ACTR3C: variants seen among roughly 807,000 people sequenced by gnomAD.
ACTR3C encodes actin-related protein 3C.
In ACTR3C, 18 loss-of-function variants were observed where a neutral mutation model predicts 26.3. The ratio of observed to expected loss-of-function variants is 0.68; its 90% CI spans 0.47 to 1.01. The LOEUF is 1.01. ACTR3C is among the 50% of genes least tolerant of loss of function. ACTR3C has a pLI of 0.00. For missense variants in ACTR3C, 184 were observed against 250.7 expected (o/e 0.73, Z 1.80); for synonymous variants, 55 against 94.5 (o/e 0.58, Z 2.42).
the ACTR3C span, among the ~76,000 whole-genome samples, chr7:150,086,433 T>C: frequency 1.3e-5 from 2 of 152,192 alleles, no homozygotes; most frequent in African/African-American, 4.8e-5. Context: ...TTGCCTCTAA[T>C]AACTTTTGGG....
At chr7:150,178,078 G>A in the ACTR3C span, among the ~76,000 whole-genome samples, 1 of 150,122 alleles carries the variant, frequency 6.7e-6, no homozygotes, top group Non-Finnish European at 1.5e-5. Flanking sequence ...ATTAAATTAG[G>A]ACACAATGCC....
the ACTR3C span, among the ~76,000 whole-genome samples, chr7:150,216,709 G>A: frequency 4.6e-5 from 7 of 152,090 alleles, no homozygotes; most frequent in East Asian, 3.9e-4. Context: ...GCTGTTGGCC[G>A]GGCACGGTGG....
the ACTR3C span, among the ~76,000 whole-genome samples, chr7:150,038,037 CA>C: frequency 0.014 from 1,889 of 138,024 alleles, 274 homozygotes; most frequent in African/African-American, 0.049. Flanking sequence ...TCCCAAGAGC[CA>C]TGGGGGGAAG....
the ACTR3C span, among the ~76,000 whole-genome samples, chr7:150,164,909 T>C: frequency 2.0e-5 from 3 of 152,276 alleles, no homozygotes; most frequent in East Asian, 3.9e-4. Flanking sequence ...TAGGCACAGG[T>C]GAGCGCTGGT....
the ACTR3C span, among the ~76,000 whole-genome samples, chr7:150,188,107 G>T: frequency 1.3e-5 from 2 of 151,376 alleles, no homozygotes; most frequent in East Asian, 2.0e-4. Context: ...CTTCCCCAAG[G>T]TACCCTAGTT....
At chr7:150,135,403 CA>C in the ACTR3C span, among the ~76,000 whole-genome samples, 1 of 152,238 alleles carries the variant, frequency 6.6e-6, no homozygotes, top group Non-Finnish European at 1.5e-5. Context: ...ATCTTGGCTT[CA>C]TGCTCAGTGG....
At chr7:149,917,635 CTTTTTTTTT>C in the ACTR3C span, among the ~76,000 whole-genome samples, 2 of 93,638 alleles carry the variant, frequency 2.1e-5, no homozygotes, top group East Asian at 7.2e-4. Flanking sequence ...TGTTTTACAT[CTTTTTTTTT>C]TTTTTTTTTT....
At chr7:150,261,886 C>T (rs1260827811) in intron 6 of ACTR3C, among the ~76,000 whole-genome samples, 1 of 152,000 alleles carries the variant, frequency 6.6e-6, no homozygotes, top group Non-Finnish European at 1.5e-5. Flanking sequence ...CCACATTAGT[C>T]AATTTGGCAT....
chr7:150,128,855 G>A, the ACTR3C span, among the ~76,000 whole-genome samples: 45,376 of 148,600 alleles, frequency 0.31, 6,550 homozygotes, highest in African/African-American at 0.44. Flanking sequence ...AGAGACAGGA[G>A]ACAAACATTT....
chr7:149,972,103 C>T, the ACTR3C span, among the ~76,000 whole-genome samples: 918 of 152,318 alleles, frequency 6.0e-3, 8 homozygotes, highest in African/African-American at 0.021. Flanking sequence ...TCAGAGCTGA[C>T]GTTGCCACTT....
the ACTR3C span, among the ~76,000 whole-genome samples, chr7:149,912,490 A>G: frequency 2.5e-5 from 3 of 121,792 alleles, no homozygotes; most frequent in Non-Finnish European, 3.4e-5. Flanking sequence ...GCAAACTAAC[A>G]TGAAGATATA....
At chr7:150,206,487 C>T in the ACTR3C span, among the ~76,000 whole-genome samples, 2 of 152,188 alleles carry the variant, frequency 1.3e-5, no homozygotes, top group South Asian at 2.1e-4. Flanking sequence ...GATTTTGGCT[C>T]ACCGCAACCT....
In ACTR3C at chr7:150,304,108, C is replaced by T. The variant is rs116601030; in HGVS notation, c.-51-8761G>A. Among the ~76,000 whole-genome samples the T allele has an allele frequency of 7.2e-3, 1,101 of 152,254 alleles. 20 individuals carry two copies. The highest frequency in any genetic ancestry group is 0.024 in the African/African-American group (1,011 of 41,524). Reference sequence around the variant, plus strand: ...AAGGAAGCGAGAATAGGAGAGGAGGCGACAATATACTGGAAGCTGGAAAGT... The same window carrying T: ...AAGGAAGCGAGAATAGGAGAGGAGGTGACAATATACTGGAAGCTGGAAAGT... On this transcript the variant is annotated intron_variant, in intron 1 of 7. Transcript: ENST00000683684.
chr7:149,947,055 G>T, the ACTR3C span, among the ~76,000 whole-genome samples: 1 of 151,726 alleles, frequency 6.6e-6, no homozygotes, highest in African/African-American at 2.4e-5. Flanking sequence ...GGAGCGGGGG[G>T]TACCACGGTG....
At chr7:149,947,942 A>G in the ACTR3C span, among the ~76,000 whole-genome samples, 1 of 151,806 alleles carries the variant, frequency 6.6e-6, no homozygotes, top group Non-Finnish European at 1.5e-5. Flanking sequence ...CCTCGTGTCA[A>G]TGTTATACAC....
chr7:150,071,661 G>A, the ACTR3C span, among the ~76,000 whole-genome samples: 1 of 148,554 alleles, frequency 6.7e-6, no homozygotes, highest in African/African-American at 2.5e-5. Flanking sequence ...GGGCCTCGAG[G>A]ACAGAGGGGA....
At chr7:150,200,152 T>A in the ACTR3C span, among the ~76,000 whole-genome samples, 59 of 152,368 alleles carry the variant, frequency 3.9e-4, no homozygotes, top group African/African-American at 1.3e-3. Context: ...AAGGCCAATT[T>A]AACTGGTGAC....
chr7:150,074,016 A>T, the ACTR3C span: 1 of 152,278 alleles, frequency 6.6e-6, no homozygotes, highest in Non-Finnish European at 1.5e-5. Context: ...TCCAGGGATC[A>T]CTGTCATCAC....
the ACTR3C span, among the ~76,000 whole-genome samples, chr7:149,924,147 G>A: frequency 1.3e-4 from 19 of 151,196 alleles, no homozygotes; most frequent in Non-Finnish European, 1.9e-4. Context: ...GGGCCAAGGT[G>A]GGTGGCTCAC....
Sources: gnomAD v4.1 joint callset for allele counts (sites outside exome capture counted in the v4.1 genomes callset) on GRCh38, gnomAD v4.1.1 for gene constraint, MANE v1.5 for transcripts, NCBI Gene and HGNC (gene_info 2026-07-23, HGNC 2026-07-21) for gene names.